ZNF462: variants seen among roughly 807,000 people sequenced by gnomAD.
The protein encoded by ZNF462 is zinc finger PBX1-interacting protein.
A neutral mutation model predicts 201.9 loss-of-function variants in ZNF462; 10 were observed. The observed-to-expected ratio is 0.05, with a 90% CI of 0.03 to 0.08. The LOEUF is 0.08. ZNF462 is among the 10% of genes least tolerant of loss of function. ZNF462 has a pLI of 1.00. For synonymous variants in ZNF462, 1,227 were observed against 1,193.3 expected, an observed-to-expected ratio of 1.03 and a Z score of -0.58; for missense variants, 2,523 against 3,168.3, an observed-to-expected ratio of 0.80 and a Z score of 4.89.
At chr9:106,908,935 ATATATATTTTTTTTTTTTTTTTTTTTT>A (rs1829413221) in intron 1 of ZNF462, among the ~76,000 whole-genome samples, 1 of 31,390 alleles carries the variant, frequency 3.2e-5, no homozygotes, top group Non-Finnish European at 5.3e-5. Flanking sequence ...ATATATATAT[ATATATATTTTTTTTTTTTTTTTTTTTT>A]TTTTTTTTTT....
At position 106,925,134 on chromosome 9, in the gene ZNF462, ACAT is replaced by A; in HGVS notation, c.1225_1227del (p.Ser409del). ...TGGTTTAAGTGCTATGGATCACCAG[ACAT>A]CAGGCCTGTCTGCAGAGCAGCTGAT... On this transcript the variant is annotated inframe_deletion, in exon 3 of 13. Coordinates refer to ENST00000277225, the MANE Select transcript of ZNF462 (RefSeq NM_021224.6). This position sits in a 1 kb window ranked among gnomAD's most constrained non-coding sequence, Gnocchi z 7.9. The A allele has an allele frequency of 6.2e-7, 1 of 1,614,204 alleles. No homozygotes were observed. The highest frequency in any genetic ancestry group is 8.5e-7 in the Non-Finnish European group (1 of 1,180,038).
At chr9:106,944,555 A>G (rs1831020999) in intron 7 of ZNF462, among the ~76,000 whole-genome samples, 2 of 152,188 alleles carry the variant, frequency 1.3e-5, no homozygotes, top group African/African-American at 4.8e-5. Context: ...TCAAACATTT[A>G]TCATTTCTTT....
rs1827446494 is a variant in ZNF462, at chr9:106,981,744, G to A, written c.6833-2442G>A. The stretch of plus-strand genomic sequence containing the variant: ...CCTAAGTGGTAGAGGAATTGAAAAG[G>A]AGGCTCATAAAAAAGTTTGAAAGAA... On this transcript the variant is annotated intron_variant, in intron 9 of 12. Transcript: ENST00000277225. The surrounding 1 kb of genome is among the most constrained non-coding windows in gnomAD (Gnocchi z 4.0). Among the ~76,000 whole-genome samples the A allele has an allele frequency of 6.6e-6, 1 of 152,188 alleles. No individual in the cohort carries two copies. The highest frequency in any genetic ancestry group is 2.4e-5 in the African/African-American group (1 of 41,452).
chr9:107,012,089 CAAAG>C lies in ZNF462; in HGVS notation c.*1062_*1065del, dbSNP rs1183791096. The stretch of plus-strand genomic sequence containing the variant: ...GTTTTTATTTTAAACATGGAAATAA[CAAAG>C]AAGTTAACTTTCTTTTTTTTTTTTT... On this transcript the variant is annotated 3_prime_UTR_variant, in exon 13 of 13. Transcript: ENST00000277225. 7 of 124,210 alleles carry C rather than the reference CAAAG, an allele frequency of 5.6e-5. No homozygotes were observed. The highest frequency in any genetic ancestry group is 1.4e-4 in the African/African-American group (5 of 35,064). The allele number at this position is 124,210 out of a possible 1,614,324, so 7.7% of individuals were successfully genotyped here. A position where few individuals can be genotyped will look rare whatever the true frequency, so the allele number is the denominator to read the frequency against.
In ZNF462 at chr9:106,938,045, G is replaced by A. The variant is rs1457052171; in HGVS notation, c.6236-871G>A. Among the ~76,000 whole-genome samples the A allele has an allele frequency of 6.6e-6, 1 of 152,014 alleles. No individual in the cohort carries two copies. The highest frequency in any genetic ancestry group is 2.4e-5 in the African/African-American group (1 of 41,408). ...TATATATGTCCAACAATTTAAGCCT[G>A]CCCACTTCACACTCTTAGTTCTTAA... On this transcript the variant is annotated intron_variant, in intron 6 of 12. Transcript: ENST00000277225. This position sits in a 1 kb window ranked among gnomAD's most constrained non-coding sequence, Gnocchi z 4.4.
chr9:107,010,155 A>G lies in ZNF462; in HGVS notation c.7313+487A>G, dbSNP rs1231623346. ...TAAAATACTTATGAGATCCCTGAAC[A>G]TAAAATCAGCCCCTCAACAAGGCAC... is the stretch of plus-strand genomic sequence containing the variant. On this transcript the variant is annotated intron_variant, in intron 12 of 12. Transcript: ENST00000277225. The surrounding 1 kb of genome is among the most constrained non-coding windows in gnomAD (Gnocchi z 4.6). Among the ~76,000 whole-genome samples, 1 of 152,116 alleles carries G rather than the reference A, an allele frequency of 6.6e-6. No individual in the cohort carries two copies. Among genetic ancestry groups the G allele is most frequent in the Admixed American group, 6.5e-5 (1 of 15,274 alleles).
intron 1 of ZNF462, among the ~76,000 whole-genome samples, chr9:106,879,332 A>ACCCCCCCC (rs796290122): frequency 1.1e-3 from 75 of 70,636 alleles, no homozygotes; most frequent in African/African-American, 1.2e-3. Context: ...GATGCTTTCC[A>ACCCCCCCC]CCCCCCCCCC....
At chr9:106,871,415 G>A (rs1827584758) in intron 1 of ZNF462, among the ~76,000 whole-genome samples, 1 of 152,200 alleles carries the variant, frequency 6.6e-6, no homozygotes, top group African/African-American at 2.4e-5. Context: ...TTGCTGGGAA[G>A]GAGTGACTGG....
Position 106,939,052 on chromosome 9 carries a change from C to T in ZNF462, c.6372C>T (p.His2124=). The part of the protein sequence containing the change: ...RPRIVSLLSS[H]SHHSSQKATP... ...GGATCGTCAGTCTCCTCTCCTCACA[C>T]TCCCACCACTCCTCCCAAAAAGCTA... Residue 2124 remains histidine, a synonymous_variant, in exon 7 of 13, where the codon CAC becomes CAT. Coordinates refer to ENST00000277225, the MANE Select transcript of ZNF462 (RefSeq NM_021224.6). 6.2e-7 allele frequency: 1 copy of T among 1,613,440 alleles called. No individual in the cohort carries two copies. The highest frequency in any genetic ancestry group is 8.5e-7 in the Non-Finnish European group (1 of 1,179,778).
rs1269117788 is a variant in ZNF462 at position 106,927,265 on chromosome 9, A to T, written c.3353A>T (p.His1118Leu). 6.2e-7 allele frequency: 1 copy of T among 1,609,864 alleles called. No homozygotes were observed. Among genetic ancestry groups the T allele is most frequent in the East Asian group, 2.2e-5 (1 of 44,662 alleles). ...AGTACTGAGCTTTACTACTGCAAAC[A>T]CTGTTCCTACAGCAATCGGTCAGTT... is the stretch of plus-strand genomic sequence containing the variant. ...DLSTELYYCK[H>L]CSYSNRSVVG... Residue 1118 changes from histidine to leucine, a missense_variant, in exon 3 of 13, where the codon CAC becomes CTC. Transcript: ENST00000277225.
chr9:107,012,483 C>A lies in ZNF462; in HGVS notation c.*1453C>A, dbSNP rs550414586. The A allele has an allele frequency of 7.6e-6, 1 of 131,882 alleles. No homozygotes were observed. Among genetic ancestry groups the A allele is most frequent in the East Asian group, 2.3e-4 (1 of 4,428 alleles). 8.2% of individuals were successfully genotyped at this position (131,882 alleles called of 1,614,324 possible). On this transcript the variant is annotated 3_prime_UTR_variant, in exon 13 of 13. Coordinates refer to ENST00000277225, the MANE Select transcript of ZNF462 (RefSeq NM_021224.6). ...TTTTTTTAAATCTAGCTGCCAGCTGCTCTGTCCCCCATATCAGCTTTTTCA... is the reference window on the plus strand; with the variant it reads ...TTTTTTTAAATCTAGCTGCCAGCTGATCTGTCCCCCATATCAGCTTTTTCA...
At position 106,935,999 on chromosome 9, in the gene ZNF462, A is replaced by G. The variant is rs1830615500; in HGVS notation, c.6235+378A>G. ...CTTTCCAGCTAAAATAAAGTTACCA[A>G]CTTAAGGAAGTTAGAAAGGGCAAAG... On this transcript the variant is annotated intron_variant, in intron 6 of 12. Coordinates refer to ENST00000277225, the MANE Select transcript of ZNF462 (RefSeq NM_021224.6). This position sits in a 1 kb window ranked among gnomAD's most constrained non-coding sequence, Gnocchi z 4.1. Among the ~76,000 whole-genome samples, 2 of 152,224 alleles carry G rather than the reference A, an allele frequency of 1.3e-5. No individual in the cohort carries two copies. The highest frequency in any genetic ancestry group is 4.8e-5 in the African/African-American group (2 of 41,454).
chr9:106,918,040 T>A lies in ZNF462; in HGVS notation c.-30-5314T>A, dbSNP rs560061966. Among the ~76,000 whole-genome samples the A allele has an allele frequency of 4.9e-3, 743 of 151,888 alleles. 5 individuals carry two copies. The highest frequency in any genetic ancestry group is 6.8e-3 in the Middle Eastern group (2 of 294). ...ACAGGTGCCCACCACCACACCCGGC[T>A]AATTTTTTTTATTTTTAGTAGAAAC... On this transcript the variant is annotated intron_variant, in intron 1 of 12. Transcript: ENST00000277225.
chr9:106,998,427 A>G (rs931081961), intron 10 of ZNF462, among the ~76,000 whole-genome samples: 3 of 152,182 alleles, frequency 2.0e-5, no homozygotes, highest in African/African-American at 4.8e-5. Context: ...TAAATCACAT[A>G]TAATTATTAT....
At chr9:106,987,730 C>T (rs1349186911) in intron 10 of ZNF462, among the ~76,000 whole-genome samples, 1 of 152,160 alleles carries the variant, frequency 6.6e-6, no homozygotes, top group Non-Finnish European at 1.5e-5. Flanking sequence ...GTCATGAAGT[C>T]CTTGCCTAAG....
At chr9:106,889,715 A>G (rs1387474661) in intron 1 of ZNF462, among the ~76,000 whole-genome samples, 1 of 152,206 alleles carries the variant, frequency 6.6e-6, no homozygotes, top group Non-Finnish European at 1.5e-5. Flanking sequence ...CTCTACAGAA[A>G]TGAAAGACCT....
chr9:106,863,110 G>A, upstream of ZNF462: 1 of 397,568 alleles, frequency 2.5e-6, no homozygotes, highest in Non-Finnish European at 4.4e-6. Context: ...GAGGGAGGGA[G>A]GGAGAGAGAG....
chr9:106,966,347 G>C lies in ZNF462; in HGVS notation c.6428-5658G>C, dbSNP rs1832070753. On this transcript the variant is annotated intron_variant, in intron 7 of 12. Coordinates refer to ENST00000277225, the MANE Select transcript of ZNF462 (RefSeq NM_021224.6). This position sits in a 1 kb window ranked among gnomAD's most constrained non-coding sequence, Gnocchi z 4.4. ...AATGTAGTTGTTGAATTTCTGTTTA[G>C]TTTCTCCAAAATGTACGACTTAAGG... 6.6e-6 allele frequency among the ~76,000 whole-genome samples: 1 copy of C among 151,948 alleles called. No individual in the cohort carries two copies. Among genetic ancestry groups the C allele is most frequent in the South Asian group, 2.1e-4 (1 of 4,806 alleles).
chr9:106,937,913 A>G (rs932377363), intron 6 of ZNF462, among the ~76,000 whole-genome samples: 10 of 152,198 alleles, frequency 6.6e-5, no homozygotes, highest in Non-Finnish European at 1.5e-5. Context: ...ATTAAAGGAT[A>G]TCTTCTTATT....
Sources: gnomAD v4.1 joint callset for allele counts (sites outside exome capture counted in the v4.1 genomes callset) on GRCh38, gnomAD v4.1.1 for gene constraint, Gnocchi (gnomAD v3.1) non-coding constraint, MANE v1.5 for transcripts, NCBI Gene and HGNC (gene_info 2026-07-23, HGNC 2026-07-21) for gene names.